The following NCAM1 variants were observed in gnomAD, a reference collection of about 807,000 sequenced individuals.
NCAM1 encodes the protein antigen recognized by monoclonal antibody 5.1H11.
NCAM1 carries 14 observed loss-of-function variants against 109.8 expected under a neutral mutation model. That is an observed-to-expected ratio of 0.13 (90% confidence interval 0.08 to 0.20). The LOEUF (loss-of-function observed/expected upper bound fraction) is 0.20. Among genes scored for constraint, NCAM1 ranks in the 10% least tolerant of loss-of-function variants. The pLI is 1.00. For missense variants in NCAM1, 774 were observed against 1,109.9 expected, an observed-to-expected ratio of 0.70 and a Z score of 4.30; for synonymous variants, 418 against 442.9, an observed-to-expected ratio of 0.94 and a Z score of 0.70.
chr11:113,251,231 A>G (rs181670624), intron 15 of NCAM1, among the ~76,000 whole-genome samples: 12 of 152,306 alleles, frequency 7.9e-5, no homozygotes, highest in Admixed American at 6.5e-4. Context: ...AAATTCACCA[A>G]TGCTGTCCAA....
chr11:113,081,825 C>T (rs1320526889), intron 1 of NCAM1, among the ~76,000 whole-genome samples: 3 of 152,318 alleles, frequency 2.0e-5, no homozygotes, highest in African/African-American at 4.8e-5. Context: ...TGAGCCATCG[C>T]GCCGTCTTTT....
In NCAM1 at chr11:113,156,905, G is replaced by A. The variant is rs117763161; in HGVS notation, c.53-45474G>A. Among the ~76,000 whole-genome samples the A allele has an allele frequency of 4.4e-3, 667 of 152,180 alleles. 14 individuals carry two copies. In the East Asian group the frequency reaches 0.048, roughly 11 times the overall value. On this transcript the variant is annotated intron_variant, in intron 1 of 19. Transcript: ENST00000316851. Reference sequence around the variant, plus strand: ...TAGGCATCTCCACATGGAAGGCTTGGAGTAGATGCTTTAGGGAATGGAAAA... The same window carrying A: ...TAGGCATCTCCACATGGAAGGCTTGAAGTAGATGCTTTAGGGAATGGAAAA...
intron 1 of NCAM1, among the ~76,000 whole-genome samples, chr11:112,980,840 G>A (rs1555068624): frequency 6.6e-6 from 1 of 151,726 alleles, no homozygotes; most frequent in Non-Finnish European, 1.5e-5. Context: ...ATATCTTCAT[G>A]AGAATAGCTA....
intron 1 of NCAM1, among the ~76,000 whole-genome samples, chr11:113,167,564 C>G (rs1435550155): frequency 6.9e-6 from 1 of 144,556 alleles, no homozygotes; most frequent in East Asian, 2.1e-4. Flanking sequence ...AATCACCAAA[C>G]TCTTACTTAG....
At chr11:113,060,452 C>T (rs113252710) in intron 1 of NCAM1, among the ~76,000 whole-genome samples, 97 of 152,166 alleles carry the variant, frequency 6.4e-4, no homozygotes, top group Non-Finnish European at 1.0e-3. Context: ...TTAGAAGGTA[C>T]GTGTACATTT....
At chr11:113,081,170 A>G (rs782158164) in intron 1 of NCAM1, among the ~76,000 whole-genome samples, 3 of 152,224 alleles carry the variant, frequency 2.0e-5, no homozygotes, top group Non-Finnish European at 4.4e-5. Flanking sequence ...GGTGGCTGGC[A>G]CACTGTTTCT....
chr11:113,207,407 T>C lies in NCAM1; in HGVS notation c.746+29T>C, dbSNP rs1555113054. 6 of 1,566,120 alleles carry C rather than the reference T, an allele frequency of 3.8e-6. No individual in the cohort carries two copies. The African/African-American group carries it at 4.1e-5, about 11-fold the overall frequency. On this transcript the variant is annotated intron_variant, in intron 6 of 19. Transcript: ENST00000316851. Reference sequence around the variant, plus strand: ...AGAAACTGGCTCATACCTTTTATCATGGACTAGAGGAGAATGGGGCATCAC... The same window carrying C: ...AGAAACTGGCTCATACCTTTTATCACGGACTAGAGGAGAATGGGGCATCAC...
Position 113,277,717 on chromosome 11 carries a change from A to T in NCAM1, c.*2330A>T, listed in dbSNP as rs1252089395. ...GAAGAAACAGGTCAGCCCTCAGATC[A>T]CCTGGCCCGGGACAGCTGACCCCCT... On this transcript the variant is annotated 3_prime_UTR_variant, in exon 20 of 20. Coordinates refer to ENST00000316851, the MANE Select transcript of NCAM1 (RefSeq NM_181351.5). 2 of 308,592 alleles carry T rather than the reference A, an allele frequency of 6.5e-6. No homozygotes were observed. Among genetic ancestry groups the T allele is most frequent in the African/African-American group, 4.3e-5 (2 of 46,774 alleles). The allele number at this position is 308,592 out of a possible 1,614,324, so 19.1% of individuals were successfully genotyped here.
At chr11:113,086,734 G>A (rs1939108096) in intron 1 of NCAM1, among the ~76,000 whole-genome samples, 1 of 152,154 alleles carries the variant, frequency 6.6e-6, no homozygotes, top group Non-Finnish European at 1.5e-5. Flanking sequence ...GAGTTGGGAA[G>A]AAGCGTGAAC....
intron 1 of NCAM1, among the ~76,000 whole-genome samples, chr11:113,111,859 C>T (rs1213270048): frequency 6.6e-6 from 1 of 152,156 alleles, no homozygotes; most frequent in Non-Finnish European, 1.5e-5. Context: ...TCATTCATCT[C>T]TATCATTAAA....
At chr11:113,058,138 G>A (rs1051028647) in intron 1 of NCAM1, among the ~76,000 whole-genome samples, 6 of 152,066 alleles carry the variant, frequency 3.9e-5, no homozygotes, top group Non-Finnish European at 7.4e-5. Flanking sequence ...CAAAAAATTA[G>A]CAGGGTGTGG....
chr11:113,185,079 T>TAGAG (rs782462491), intron 1 of NCAM1, among the ~76,000 whole-genome samples: 3 of 125,732 alleles, frequency 2.4e-5, no homozygotes, highest in East Asian at 2.9e-4. Flanking sequence ...TATATATATA[T>TAGAG]AGAGAGAGAG....
intron 1 of NCAM1, among the ~76,000 whole-genome samples, chr11:113,134,423 C>T (rs1280911984): frequency 6.6e-6 from 1 of 152,152 alleles, no homozygotes; most frequent in East Asian, 1.9e-4. Flanking sequence ...TTCTTTGCTA[C>T]TGGGTCGCCG....
Position 113,074,912 on chromosome 11 carries a change from G to A in NCAM1, c.52+113248G>A, listed in dbSNP as rs565429531. The stretch of plus-strand genomic sequence containing the variant: ...CTCCCAAAGTGCTGGGATTATAGGC[G>A]TCAGCAACTGTGCCCAGCTGATTTT... On this transcript the variant is annotated intron_variant, in intron 1 of 19. Transcript: ENST00000316851. Among the ~76,000 whole-genome samples the A allele has an allele frequency of 9.2e-5, 14 of 152,236 alleles. No individual in the cohort carries two copies. The South Asian group carries it at 2.5e-3, about 27-fold the overall frequency.
At chr11:113,100,486 G>A (rs1014073140) in intron 1 of NCAM1, among the ~76,000 whole-genome samples, 1 of 152,130 alleles carries the variant, frequency 6.6e-6, no homozygotes, top group Non-Finnish European at 1.5e-5. Flanking sequence ...AGCAGGTCAC[G>A]TGCACTTGAA....
At chr11:113,116,043 A>G (rs1471214681) in intron 1 of NCAM1, among the ~76,000 whole-genome samples, 4 of 152,210 alleles carry the variant, frequency 2.6e-5, no homozygotes, top group African/African-American at 9.7e-5. Flanking sequence ...GGCAAATACA[A>G]AAATCTAGGC....
chr11:113,224,785 T>C (rs1203217044), intron 9 of NCAM1, among the ~76,000 whole-genome samples: 1 of 152,236 alleles, frequency 6.6e-6, no homozygotes, highest in Non-Finnish European at 1.5e-5. Context: ...CAATATTCGC[T>C]GTTCTGCAGC....
At chr11:113,206,862 G>A (rs1005437467) in intron 5 of NCAM1, among the ~76,000 whole-genome samples, 1 of 152,148 alleles carries the variant, frequency 6.6e-6, no homozygotes, top group Admixed American at 6.5e-5. Flanking sequence ...TAACCACTGG[G>A]AGCAGTAATG....
intron 14 of NCAM1, among the ~76,000 whole-genome samples, chr11:113,236,953 T>C (rs1945185631): frequency 6.6e-6 from 1 of 152,220 alleles, no homozygotes; most frequent in African/African-American, 2.4e-5. Context: ...GTTGCAGAGT[T>C]AAATCTCTAG....
Sources: gnomAD v4.1 joint callset for allele counts (sites outside exome capture counted in the v4.1 genomes callset) on GRCh38, gnomAD v4.1.1 for gene constraint, MANE v1.5 for transcripts, NCBI Gene and HGNC (gene_info 2026-07-23, HGNC 2026-07-21) for gene names.